Variants in BCKDHB observed in about 807,000 individuals in gnomAD.
BCKDHB encodes the protein branched chain keto acid dehydrogenase E1 subunit beta, also known as 2-oxoisovalerate dehydrogenase subunit beta, mitochondrial.
In BCKDHB, 41 loss-of-function variants were observed where a neutral mutation model predicts 48.5. The observed-to-expected ratio is 0.85, with a 90% confidence interval of 0.66 to 1.10. The LOEUF is 1.10. BCKDHB is among the 50% of genes least tolerant of loss of function. BCKDHB has a pLI of 0.00. For synonymous variants in BCKDHB, 201 were observed against 174.8 expected, an observed-to-expected ratio of 1.15 and a Z score of -1.18; for missense variants, 496 against 494.2, an observed-to-expected ratio of 1.00 and a Z score of -0.03.
chr6:80,236,746 C>T (rs1460830907), intron 8 of BCKDHB, among the ~76,000 whole-genome samples: 2 of 152,176 alleles, frequency 1.3e-5, no homozygotes, highest in Non-Finnish European at 2.9e-5. Context: ...ATATTCTATG[C>T]AGCCTCATTT....
the BCKDHB span, among the ~76,000 whole-genome samples, chr6:80,434,563 G>GT: frequency 6.6e-6 from 1 of 151,826 alleles, no homozygotes; most frequent in East Asian, 1.9e-4. Flanking sequence ...ATTAAATACT[G>GT]TTTTTTATTT....
At chr6:80,223,666 A>T (rs955585483) in intron 8 of BCKDHB, among the ~76,000 whole-genome samples, 2 of 152,184 alleles carry the variant, frequency 1.3e-5, no homozygotes, top group African/African-American at 2.4e-5. Flanking sequence ...GGCAGGAAAA[A>T]AGGAGGCGAT....
At chr6:80,360,457 A>G in the BCKDHB span, among the ~76,000 whole-genome samples, 1 of 152,168 alleles carries the variant, frequency 6.6e-6, no homozygotes, top group East Asian at 1.9e-4. Context: ...CTCCTGTTAT[A>G]AGTATAATAA....
intron 9 of BCKDHB, among the ~76,000 whole-genome samples, chr6:80,317,902 G>C (rs1768529614): frequency 6.6e-6 from 1 of 152,170 alleles, no homozygotes; most frequent in African/African-American, 2.4e-5. Flanking sequence ...TGGTGTAACA[G>C]ACTGGATTTT....
At chr6:80,166,422 G>A (rs1026328562) in intron 3 of BCKDHB, among the ~76,000 whole-genome samples, 20 of 152,060 alleles carry the variant, frequency 1.3e-4, no homozygotes, top group African/African-American at 4.6e-4. Context: ...GTGGGAGGTC[G>A]AGGCGGGTGG....
chr6:80,340,368 T>C (rs1769824489), intron 9 of BCKDHB, among the ~76,000 whole-genome samples: 1 of 152,202 alleles, frequency 6.6e-6, no homozygotes, highest in African/African-American at 2.4e-5. Context: ...GCCTGTCGTC[T>C]CTGGTTACAT....
chr6:80,411,007 C>A, the BCKDHB span, among the ~76,000 whole-genome samples: 3 of 152,162 alleles, frequency 2.0e-5, no homozygotes, highest in African/African-American at 4.8e-5. Context: ...AGTTGTGATC[C>A]TTTGCAGGAG....
the BCKDHB span, among the ~76,000 whole-genome samples, chr6:80,373,426 C>CT: frequency 6.6e-6 from 1 of 151,502 alleles, no homozygotes; most frequent in Non-Finnish European, 1.5e-5. Context: ...TCTGTATTAT[C>CT]TTTTTTGTTG....
At chr6:80,298,119 CT>C (rs551996758) in intron 9 of BCKDHB, among the ~76,000 whole-genome samples, 2 of 151,250 alleles carry the variant, frequency 1.3e-5, no homozygotes, top group Admixed American at 6.6e-5. Context: ...AAATTTCTTT[CT>C]TTTTTTTTCC....
chr6:80,219,253 G>A (rs1445459001), intron 8 of BCKDHB, among the ~76,000 whole-genome samples: 2 of 151,040 alleles, frequency 1.3e-5, no homozygotes, highest in African/African-American at 4.9e-5. Flanking sequence ...TGTCACGCAG[G>A]CTGGAGTGCA....
chr6:80,107,006 C>T, intron 1 of BCKDHB, 117 bp downstream of exon 1: 1 of 1,320,694 alleles, frequency 7.6e-7, no homozygotes, highest in Non-Finnish European at 1.1e-6. Flanking sequence ...TTATTAACTT[C>T]CTGACTCTCT....
intron 9 of BCKDHB, among the ~76,000 whole-genome samples, chr6:80,325,017 G>T (rs1393131279): frequency 6.6e-6 from 1 of 152,182 alleles, no homozygotes; most frequent in Admixed American, 6.5e-5. Context: ...AATGCAATCA[G>T]TTATTTTACA....
Position 80,112,541 on chromosome 6 carries a change from T to G in BCKDHB, c.196+5652T>G, listed in dbSNP as rs557522318. Among the ~76,000 whole-genome samples the G allele has an allele frequency of 5.3e-5, 8 of 152,266 alleles. No homozygotes were observed. The South Asian group carries it at 1.7e-3, about 32-fold the overall frequency. On this transcript the variant is annotated intron_variant, in intron 1 of 9. Coordinates refer to ENST00000320393, the MANE Select transcript of BCKDHB (RefSeq NM_183050.4). ...AACAGTATTGCAAAAGAATATCAAG[T>G]TTACTGAATCCTTATTTCCCATTAC...
the BCKDHB span, among the ~76,000 whole-genome samples, chr6:80,412,672 T>G: frequency 3.0e-4 from 45 of 152,318 alleles, no homozygotes; most frequent in Non-Finnish European, 5.6e-4. Context: ...AGCTTTAACT[T>G]GAATAATTCC....
chr6:80,115,370 T>A (rs1169502246), intron 1 of BCKDHB, among the ~76,000 whole-genome samples: 3 of 152,172 alleles, frequency 2.0e-5, no homozygotes, highest in African/African-American at 7.2e-5. Flanking sequence ...CCCTCAGTCT[T>A]ATTTTATGAA....
intron 8 of BCKDHB, among the ~76,000 whole-genome samples, chr6:80,240,540 G>A (rs1272735421): frequency 6.6e-6 from 1 of 152,160 alleles, no homozygotes; most frequent in Non-Finnish European, 1.5e-5. Context: ...TACTGAAGTT[G>A]CTTATCAGCT....
intron 6 of BCKDHB, among the ~76,000 whole-genome samples, chr6:80,182,810 A>G (rs757482192): frequency 6.6e-6 from 1 of 152,202 alleles, no homozygotes; most frequent in African/African-American, 2.4e-5. Flanking sequence ...TATAAAATGT[A>G]CACACACAAA....
intron 9 of BCKDHB, among the ~76,000 whole-genome samples, chr6:80,276,026 C>A (rs1038867761): frequency 6.6e-6 from 1 of 151,930 alleles, no homozygotes; most frequent in South Asian, 2.1e-4. Context: ...AAAATGTACA[C>A]GGACAACTCT....
chr6:80,309,755 A>G (rs1768060150), intron 9 of BCKDHB, among the ~76,000 whole-genome samples: 1 of 152,120 alleles, frequency 6.6e-6, no homozygotes, highest in Admixed American at 6.5e-5. Flanking sequence ...TAGGTTTGTT[A>G]TATAGGTTGT....
Sources: allele counts gnomAD v4.1 joint callset (sites outside exome capture counted in the v4.1 genomes callset), GRCh38; gene constraint gnomAD v4.1.1; transcripts MANE v1.5; gene names NCBI Gene and HGNC (gene_info 2026-07-23, HGNC 2026-07-21).